Variants in ARHGEF10L observed in about 807,000 individuals in gnomAD.
ARHGEF10L encodes Rho guanine nucleotide exchange factor 10 like.
Under a neutral mutation model 141.2 loss-of-function variants are expected in ARHGEF10L, and 69 were observed. The observed-to-expected ratio is 0.49, with a 90% CI of 0.40 to 0.60. ARHGEF10L has a LOEUF of 0.60. Ranked by LOEUF, ARHGEF10L falls within the 20% of genes least tolerant of loss-of-function variation. The probability of loss-of-function intolerance (pLI) is 0.00; values close to 1 mark genes in which losing one functional copy is unlikely to be tolerated. For missense variants in ARHGEF10L, 1,482 were observed against 1,734.3 expected (o/e 0.85, Z 2.58); for synonymous variants, 711 against 718.5 (o/e 0.99, Z 0.17).
intron 11 of ARHGEF10L, among the ~76,000 whole-genome samples, chr1:17,622,549 G>A (rs181158699): frequency 7.6e-4 from 116 of 152,238 alleles, no homozygotes; most frequent in Admixed American, 3.1e-3. Context: ...CCCCTCTTGA[G>A]TTTGGATCCT....
chr1:17,529,596 C>T, the ARHGEF10L span, among the ~76,000 whole-genome samples: 1 of 152,174 alleles, frequency 6.6e-6, no homozygotes, highest in Non-Finnish European at 1.5e-5. Context: ...GGTTGAGAAG[C>T]ATCTGAGGGC....
rs538322336 is a variant in ARHGEF10L, at chr1:17,622,539, C to T, written c.1021-457C>T. On this transcript the variant is annotated intron_variant, in intron 11 of 28. Transcript: ENST00000361221. Reference sequence around the variant, plus strand: ...ATTGTTGCTAATGATACCCTCTCTTCCCCTCTTGAGTTTGGATCCTCAGAG... The same window carrying T: ...ATTGTTGCTAATGATACCCTCTCTTTCCCTCTTGAGTTTGGATCCTCAGAG... Among the ~76,000 whole-genome samples the T allele has an allele frequency of 2.0e-5, 3 of 152,244 alleles. No homozygotes were observed. The South Asian group carries it at 6.2e-4, about 32-fold the overall frequency.
At chr1:17,522,569 G>A in the ARHGEF10L span, among the ~76,000 whole-genome samples, 7 of 151,682 alleles carry the variant, frequency 4.6e-5, no homozygotes, top group South Asian at 4.2e-4. Context: ...AGAAATCCTC[G>A]TCGGGGGCAG....
At chr1:17,555,972 C>T (rs2077290000) in intron 1 of ARHGEF10L, among the ~76,000 whole-genome samples, 1 of 151,920 alleles carries the variant, frequency 6.6e-6, no homozygotes, top group Non-Finnish European at 1.5e-5. Flanking sequence ...CGCTGGCTCA[C>T]CTGGGAGCAT....
chr1:17,585,864 G>A (rs1020363671), intron 2 of ARHGEF10L, among the ~76,000 whole-genome samples: 2 of 152,244 alleles, frequency 1.3e-5, no homozygotes, highest in South Asian at 2.1e-4. Context: ...GGCTGGGTCC[G>A]CAGACCCATG....
At chr1:17,622,011 C>G in intron 11 of ARHGEF10L, 70 bp downstream of exon 11, 2 of 1,544,434 alleles carry the variant, frequency 1.3e-6, no homozygotes, top group Non-Finnish European at 1.8e-6. Context: ...TAACTTTATA[C>G]GGAGTGTTTG....
At chr1:17,606,621 AAC>A (rs1158642233) in intron 6 of ARHGEF10L, among the ~76,000 whole-genome samples, 1 of 151,508 alleles carries the variant, frequency 6.6e-6, no homozygotes, top group Non-Finnish European at 1.5e-5. Flanking sequence ...TTTTTAAAAA[AAC>A]ACAAAAACAA....
chr1:17,565,277 G>A (rs1423981315), intron 1 of ARHGEF10L, among the ~76,000 whole-genome samples: 1 of 152,218 alleles, frequency 6.6e-6, no homozygotes, highest in Non-Finnish European at 1.5e-5. Context: ...CCTTGGGGGT[G>A]AGGTTTCCGC....
rs369878049 is a variant in ARHGEF10L, at chr1:17,640,340, G to T, written c.2272+38G>T. ...CCAGGGAGAGTGCCTCAGGGGGCAG[G>T]GGTGTGGAACGGGGAGGTTTGGGGT... On this transcript the variant is annotated intron_variant, in intron 21 of 28. Transcript: ENST00000361221. The T allele has an allele frequency of 1.5e-5, 24 of 1,561,390 alleles. No individual in the cohort carries two copies. In the African/African-American group the frequency reaches 2.7e-4, roughly 18 times the overall value.
At chr1:17,605,902 G>A (rs1010187551) in intron 6 of ARHGEF10L, among the ~76,000 whole-genome samples, 30 of 152,320 alleles carry the variant, frequency 2.0e-4, no homozygotes, top group African/African-American at 7.0e-4. Context: ...AAAGACATTA[G>A]TTACTATTAT....
At chr1:17,677,433 CTG>C (rs1174190300) in intron 26 of ARHGEF10L, among the ~76,000 whole-genome samples, 1 of 152,272 alleles carries the variant, frequency 6.6e-6, no homozygotes, top group Non-Finnish European at 1.5e-5. Context: ...GCTTCTAACT[CTG>C]TATCGGTGTC....
At chr1:17,567,741 C>T (rs1332455118) in intron 1 of ARHGEF10L, among the ~76,000 whole-genome samples, 1 of 152,160 alleles carries the variant, frequency 6.6e-6, no homozygotes, top group Non-Finnish European at 1.5e-5. Context: ...AGCCGGCGTG[C>T]TTTGCTTGAA....
chr1:17,565,566 C>G (rs1239253950), intron 1 of ARHGEF10L, among the ~76,000 whole-genome samples: 2 of 152,218 alleles, frequency 1.3e-5, no homozygotes, highest in Admixed American at 6.5e-5. Flanking sequence ...CGAAGGGAAG[C>G]CCAGCTGCTA....
intron 9 of ARHGEF10L, chr1:17,618,434 G>A: frequency 2.0e-6 from 3 of 1,525,592 alleles, no homozygotes; most frequent in Non-Finnish European, 2.6e-6. Flanking sequence ...GGGGCGTGAT[G>A]TGGGCCCGGC....
At chr1:17,536,187 T>G (rs1229479870), upstream of ARHGEF10L, among the ~76,000 whole-genome samples, 1 of 152,078 alleles carries the variant, frequency 6.6e-6, no homozygotes, top group Non-Finnish European at 1.5e-5. Flanking sequence ...GAGCTTAGAG[T>G]GTGCAGCTGG....
At chr1:17,658,760 T>G (rs897220984) in intron 25 of ARHGEF10L, among the ~76,000 whole-genome samples, 1 of 151,808 alleles carries the variant, frequency 6.6e-6, no homozygotes, top group African/African-American at 2.4e-5. Flanking sequence ...CTGTACATGA[T>G]GCCGAGGGCT....
At chr1:17,643,210 A>G (rs969814464) in intron 21 of ARHGEF10L, among the ~76,000 whole-genome samples, 1 of 152,206 alleles carries the variant, frequency 6.6e-6, no homozygotes, top group Non-Finnish European at 1.5e-5. Flanking sequence ...TGTTAAAAAC[A>G]TTTATTCACA....
rs1418802336 is a variant in ARHGEF10L at position 17,619,646 on chromosome 1, G to C, written c.942+201G>C. On this transcript the variant is annotated intron_variant, in intron 10 of 28. Transcript: ENST00000361221. This position sits in a 1 kb window ranked among gnomAD's most constrained non-coding sequence, Gnocchi z 5.0. ...AGGCTTTCCACTTTCTACCCCGTGT[G>C]CTCTGTGCTGTTGGTTTTGGGGGGT... Among the ~76,000 whole-genome samples, 1 of 152,198 alleles carries C rather than the reference G, an allele frequency of 6.6e-6. No individual in the cohort carries two copies. The highest frequency in any genetic ancestry group is 1.5e-5 in the Non-Finnish European group (1 of 68,030).
At chr1:17,622,392 T>A (rs1433100455) in intron 11 of ARHGEF10L, among the ~76,000 whole-genome samples, 4 of 152,112 alleles carry the variant, frequency 2.6e-5, no homozygotes, top group Admixed American at 2.0e-4. Flanking sequence ...GCTGAGCAGA[T>A]GCTTGCATGA....
Sources: gnomAD v4.1 joint callset for allele counts (sites outside exome capture counted in the v4.1 genomes callset) on GRCh38, gnomAD v4.1.1 for gene constraint, Gnocchi (gnomAD v3.1) non-coding constraint, MANE v1.5 for transcripts, NCBI Gene and HGNC (gene_info 2026-07-23, HGNC 2026-07-21) for gene names.